ZNF423: variants seen among roughly 807,000 people sequenced by gnomAD.
ZNF423 encodes the protein zinc finger protein 423, also known as Ebf-associated zinc finger protein.
ZNF423 carries 12 observed loss-of-function variants against 95.8 expected under a neutral mutation model. The ratio of observed to expected loss-of-function variants is 0.13; its 90% CI spans 0.08 to 0.20. The LOEUF (loss-of-function observed/expected upper bound fraction) is 0.20, where lower values mean the gene tolerates loss of function less well. ZNF423 is among the 10% of genes least tolerant of loss of function. The pLI is 1.00. For synonymous variants in ZNF423, 749 were observed against 711.9 expected (o/e 1.05, Z -0.83); for missense variants, 1,316 against 1,737.1 (o/e 0.76, Z 4.31).
chr16:49,601,112 G>A (rs1464845066), intron 5 of ZNF423, among the ~76,000 whole-genome samples: 3 of 152,154 alleles, frequency 2.0e-5, no homozygotes, highest in Admixed American at 6.5e-5. Flanking sequence ...TCAAGGATTC[G>A]GAAGGGCCCA....
intron 3 of ZNF423, among the ~76,000 whole-genome samples, chr16:49,682,688 G>A (rs2031412793): frequency 6.6e-6 from 1 of 152,210 alleles, no homozygotes; most frequent in Admixed American, 6.5e-5. Context: ...CATGAGGACT[G>A]CCCAGGTTCA....
At chr16:49,767,223 G>C (rs543716492) in intron 2 of ZNF423, among the ~76,000 whole-genome samples, 74 of 151,866 alleles carry the variant, frequency 4.9e-4, no homozygotes, top group Non-Finnish European at 8.4e-4. Context: ...CCCAAAGTGC[G>C]GGGCTTACAG....
chr16:49,675,537 C>T (rs930581962), intron 3 of ZNF423, among the ~76,000 whole-genome samples: 1 of 152,060 alleles, frequency 6.6e-6, no homozygotes, highest in Admixed American at 6.5e-5. Context: ...GCTGCCACGG[C>T]CCCCACAACC....
intron 1 of ZNF423, among the ~76,000 whole-genome samples, chr16:49,820,026 G>GTGGA (rs111486773): frequency 0.092 from 13,783 of 150,536 alleles, 632 homozygotes; most frequent in East Asian, 0.1. Flanking sequence ...TGTTGAATAG[G>GTGGA]TGGATGGATG....
intron 5 of ZNF423, among the ~76,000 whole-genome samples, chr16:49,606,617 C>T (rs1270171773): frequency 6.6e-6 from 1 of 152,118 alleles, no homozygotes; most frequent in Non-Finnish European, 1.5e-5. Context: ...AGGGCAGAAA[C>T]TATTTGCTAG....
intron 5 of ZNF423, among the ~76,000 whole-genome samples, chr16:49,599,899 C>T (rs527698664): frequency 1.5e-4 from 23 of 152,258 alleles, no homozygotes; most frequent in Admixed American, 1.0e-3. Context: ...AGAAAATTAC[C>T]GGTGAGGAGG....
Position 49,700,013 on chromosome 16 carries a change from G to A in ZNF423, c.301+30758C>T, listed in dbSNP as rs185656761. On this transcript the variant is annotated intron_variant, in intron 3 of 7. Coordinates refer to ENST00000563137, the MANE Select transcript of ZNF423 (RefSeq NM_001379286.1). ...CCTCAGAAGACAGGGGCGAGGGGCT[G>A]GGCTAGAAGCAGGGTTTCAAGGCCA... Among the ~76,000 whole-genome samples the A allele has an allele frequency of 2.0e-3, 304 of 152,186 alleles. 2 individuals carry two copies. Among genetic ancestry groups the A allele is most frequent in the African/African-American group, 6.7e-3 (279 of 41,516 alleles).
At chr16:49,770,123 A>C (rs978818365) in intron 2 of ZNF423, among the ~76,000 whole-genome samples, 4 of 152,234 alleles carry the variant, frequency 2.6e-5, no homozygotes, top group Non-Finnish European at 5.9e-5. Flanking sequence ...AGACTTTGTC[A>C]GTTCTGTTCC....
At chr16:49,724,915 C>A (rs558558497) in intron 3 of ZNF423, among the ~76,000 whole-genome samples, 3 of 152,210 alleles carry the variant, frequency 2.0e-5, no homozygotes, top group Non-Finnish European at 4.4e-5. Flanking sequence ...AAAGTCCCCC[C>A]TCTTGTTTTT....
chr16:49,782,169 G>A (rs1217699603), intron 2 of ZNF423, among the ~76,000 whole-genome samples: 2 of 152,242 alleles, frequency 1.3e-5, no homozygotes, highest in African/African-American at 4.8e-5. Flanking sequence ...GGAGTGACCG[G>A]GGCACAGAGC....
intron 5 of ZNF423, among the ~76,000 whole-genome samples, chr16:49,575,485 C>T (rs1302745516): frequency 6.6e-6 from 1 of 152,206 alleles, no homozygotes; most frequent in Non-Finnish European, 1.5e-5. Flanking sequence ...GCATTCACAA[C>T]ACCCGGGCTG....
intron 2 of ZNF423, among the ~76,000 whole-genome samples, chr16:49,773,369 A>G (rs1167994635): frequency 6.6e-6 from 1 of 152,106 alleles, no homozygotes; most frequent in East Asian, 1.9e-4. Context: ...TTTTGTGAGA[A>G]CTCACTCACT....
intron 7 of ZNF423, among the ~76,000 whole-genome samples, chr16:49,505,462 G>A (rs56011820): frequency 2.0e-5 from 3 of 152,016 alleles, no homozygotes; most frequent in Non-Finnish European, 1.5e-5. Flanking sequence ...CGGATATTCT[G>A]AGGGGGCCTC....
intron 5 of ZNF423, among the ~76,000 whole-genome samples, chr16:49,585,879 A>T (rs902570956): frequency 1.3e-5 from 2 of 152,224 alleles, no homozygotes; most frequent in Non-Finnish European, 2.9e-5. Flanking sequence ...CTAGGCTGTT[A>T]GGAGACGGAA....
chr16:49,665,815 T>C (rs893867021), intron 3 of ZNF423, among the ~76,000 whole-genome samples: 1 of 152,038 alleles, frequency 6.6e-6, no homozygotes, highest in Non-Finnish European at 1.5e-5. Flanking sequence ...TAAGGGGGGA[T>C]GGGAAGACAG....
Position 49,637,662 on chromosome 16 carries a change from T to C in ZNF423, c.1514A>G (p.Glu505Gly), listed in dbSNP as rs1421689030. 6.2e-7 allele frequency: 1 copy of C among 1,614,038 alleles called. No homozygotes were observed. The highest frequency in any genetic ancestry group is 8.5e-7 in the Non-Finnish European group (1 of 1,180,022). Residue 505 changes from glutamate (E) to glycine (G), a missense_variant, in exon 4 of 8, where the codon GAG becomes GGG. Transcript: ENST00000563137. The surrounding 1 kb of genome is among the most constrained non-coding windows in gnomAD (Gnocchi z 5.6). ...EMFADINSLQ[E>G]HIRVSHCGPN... is the part of the protein sequence containing the mutation. ...GCCGCAGTGGGAGACGCGGATGTGC[T>C]CCTGCAGGCTATTGATGTCGGCGAA...
chr16:49,526,853 G>T (rs1453733001), intron 5 of ZNF423, among the ~76,000 whole-genome samples: 1 of 152,250 alleles, frequency 6.6e-6, no homozygotes, highest in Non-Finnish European at 1.5e-5. Context: ...CACACAGCAA[G>T]TGCTCAATAA....
intron 5 of ZNF423, among the ~76,000 whole-genome samples, chr16:49,532,315 C>A (rs1968876973): frequency 6.6e-6 from 1 of 152,200 alleles, no homozygotes; most frequent in African/African-American, 2.4e-5. Flanking sequence ...GCTCTCCACC[C>A]TTCGGTGTCC....
chr16:49,525,962 T>G (rs1968587385), intron 5 of ZNF423, among the ~76,000 whole-genome samples: 1 of 152,170 alleles, frequency 6.6e-6, no homozygotes, highest in African/African-American at 2.4e-5. Flanking sequence ...CTGCCCCCAC[T>G]CTGGTGGTGG....
Sources: gnomAD v4.1 joint callset for allele counts (sites outside exome capture counted in the v4.1 genomes callset) on GRCh38, gnomAD v4.1.1 for gene constraint, Gnocchi (gnomAD v3.1) non-coding constraint, MANE v1.5 for transcripts, NCBI Gene and HGNC (gene_info 2026-07-23, HGNC 2026-07-21) for gene names.